Variants in SLIT3 observed in about 807,000 individuals in gnomAD.
SLIT3 encodes the protein slit guidance ligand 3, also known as slit homolog 3 protein.
A neutral mutation model predicts 184.0 loss-of-function variants in SLIT3; 68 were observed. The ratio of observed to expected loss-of-function variants is 0.37; its 90% CI spans 0.30 to 0.45. SLIT3 has a LOEUF of 0.45. Among genes scored for constraint, SLIT3 ranks in the 20% least tolerant of loss-of-function variants. The probability of loss-of-function intolerance (pLI) is 1.00; values close to 1 mark genes in which losing one functional copy is unlikely to be tolerated. For missense variants in SLIT3, 1,707 were observed against 2,026.0 expected (o/e 0.84, Z 3.02); for synonymous variants, 831 against 828.6 (o/e 1.00, Z -0.05).
At chr5:168,707,915 G>C (rs990893085) in intron 26 of SLIT3, 61 bp downstream of exon 26, 8 of 1,604,892 alleles carry the variant, frequency 5.0e-6, no homozygotes, top group Non-Finnish European at 6.8e-6. Flanking sequence ...CCCCTCTCTA[G>C]GGCCAGGGCT....
chr5:169,139,827 T>C (rs1429942028), intron 4 of SLIT3, among the ~76,000 whole-genome samples: 1 of 152,142 alleles, frequency 6.6e-6, no homozygotes, highest in Non-Finnish European at 1.5e-5. Flanking sequence ...CAAAACAGAA[T>C]GCCGCTGAAG....
chr5:168,949,889 G>A (rs561568451), intron 4 of SLIT3, among the ~76,000 whole-genome samples: 11 of 152,318 alleles, frequency 7.2e-5, no homozygotes, highest in Admixed American at 3.9e-4. Context: ...ACCATGCCTG[G>A]CCAAGATGAA....
intron 12 of SLIT3, among the ~76,000 whole-genome samples, chr5:168,780,165 G>A (rs1354226482): frequency 3.3e-5 from 5 of 152,250 alleles, no homozygotes; most frequent in Admixed American, 3.3e-4. Context: ...CTTGACCAAG[G>A]GTCTGTGGAG....
At chr5:168,667,214 T>A (rs1180441642) in intron 35 of SLIT3, among the ~76,000 whole-genome samples, 1 of 152,176 alleles carries the variant, frequency 6.6e-6, no homozygotes, top group Non-Finnish European at 1.5e-5. Flanking sequence ...ATCTCCAGTT[T>A]GCCCCAGTCA....
At chr5:169,082,712 T>G (rs1759120524) in intron 4 of SLIT3, among the ~76,000 whole-genome samples, 1 of 152,216 alleles carries the variant, frequency 6.6e-6, no homozygotes, top group South Asian at 2.1e-4. Flanking sequence ...CTGGCAACCA[T>G]GAAGAGTAGA....
chr5:169,101,523 C>T (rs1011435834), intron 4 of SLIT3, among the ~76,000 whole-genome samples: 1 of 152,206 alleles, frequency 6.6e-6, no homozygotes, highest in African/African-American at 2.4e-5. Flanking sequence ...AATGCTCAGC[C>T]ATCTGCCTCC....
At chr5:169,246,120 C>T (rs1561764082) in intron 2 of SLIT3, among the ~76,000 whole-genome samples, 1 of 152,152 alleles carries the variant, frequency 6.6e-6, no homozygotes, top group East Asian at 1.9e-4. Flanking sequence ...CAAGATATTT[C>T]ACATGTACTC....
chr5:169,198,980 G>A (rs1165208642), intron 3 of SLIT3, among the ~76,000 whole-genome samples: 4 of 101,190 alleles, frequency 4.0e-5, no homozygotes, highest in South Asian at 3.1e-4. Flanking sequence ...ACACACATAT[G>A]TGTGTATATT....
chr5:169,184,781 A>G (rs1763278728), intron 4 of SLIT3, among the ~76,000 whole-genome samples: 1 of 152,214 alleles, frequency 6.6e-6, no homozygotes, highest in African/African-American at 2.4e-5. Flanking sequence ...GGCCAGCACA[A>G]TCACTTCGGA....
At chr5:168,822,775 T>G (rs1757575255) in intron 7 of SLIT3, among the ~76,000 whole-genome samples, 1 of 152,066 alleles carries the variant, frequency 6.6e-6, no homozygotes, top group Non-Finnish European at 1.5e-5. Context: ...GGAAATGTGC[T>G]GGGTGGGGGC....
At position 168,797,807 on chromosome 5, in the gene SLIT3, G is replaced by A. The variant is rs76402199; in HGVS notation, c.936-2229C>T. 1.7e-3 allele frequency among the ~76,000 whole-genome samples: 263 copies of A among 152,274 alleles called. 1 individual carries two copies. Among genetic ancestry groups the A allele is most frequent in the African/African-American group, 6.0e-3 (251 of 41,538 alleles). ...GCAGATGAGGAAAAGAAAACCTAGA[G>A]GAATCAAATAGCTTGTCCAAAGTGA... On this transcript the variant is annotated intron_variant, in intron 9 of 35. Coordinates refer to ENST00000519560, the MANE Select transcript of SLIT3 (RefSeq NM_003062.4).
rs1554101709 is a variant in SLIT3, at chr5:169,141,419, G to GTTTT, written c.413+52056_413+52059dup. ...ACTGTAAGATTTTTTTTTGTTGTTT[G>GTTTT]TTTTGTTTTTTTTTTTGTTTTTTGA... On this transcript the variant is annotated intron_variant, in intron 4 of 35. Coordinates refer to ENST00000519560, the MANE Select transcript of SLIT3 (RefSeq NM_003062.4). 8.2e-4 allele frequency among the ~76,000 whole-genome samples: 118 copies of GTTTT among 143,208 alleles called. 1 individual carries two copies. The highest frequency in any genetic ancestry group is 2.9e-3 in the African/African-American group (114 of 38,828). The allele number at this position is 143,208 out of a possible 152,430, so 94.0% of individuals were successfully genotyped here. A position where few individuals can be genotyped will look rare whatever the true frequency, so the allele number is the denominator to read the frequency against.
intron 4 of SLIT3, among the ~76,000 whole-genome samples, chr5:169,159,151 G>T (rs565641740): frequency 6.6e-6 from 1 of 152,104 alleles, no homozygotes; most frequent in Non-Finnish European, 1.5e-5. Context: ...TTGGGAGGCC[G>T]AGGTGGGCAG....
chr5:169,215,356 G>A (rs554600324), intron 3 of SLIT3, among the ~76,000 whole-genome samples: 2 of 152,274 alleles, frequency 1.3e-5, no homozygotes, highest in Non-Finnish European at 2.9e-5. Flanking sequence ...TAGGAAGTCT[G>A]TCTGATCCTC....
chr5:168,797,433 T>A (rs533305443), intron 9 of SLIT3, among the ~76,000 whole-genome samples: 1 of 152,312 alleles, frequency 6.6e-6, no homozygotes, highest in Admixed American at 6.5e-5. Flanking sequence ...CCCTCAGTTT[T>A]TGCAAGAGGA....
At chr5:169,075,127 C>T (rs1758689788) in intron 4 of SLIT3, among the ~76,000 whole-genome samples, 1 of 151,660 alleles carries the variant, frequency 6.6e-6, no homozygotes, top group African/African-American at 2.4e-5. Flanking sequence ...ATGGCTGGGT[C>T]ATGATTCGTA....
chr5:168,844,609 G>C lies in SLIT3; in HGVS notation c.532C>G (p.Arg178Gly). ...HISCIEDGAF[R>G]ALRDLEILTL... ...AGGATCTCCAAATCGCGCAGCGCTC[G>C]GAAGGCTCCATCTTCAATGCAGCTG... The change falls in exon 6 of 36, where the codon CGA (arginine) becomes GGA (glycine). Residue 178 changes from arginine to glycine, a missense_variant. Coordinates refer to ENST00000519560, the MANE Select transcript of SLIT3 (RefSeq NM_003062.4). 1 of 1,614,174 alleles carries C rather than the reference G, an allele frequency of 6.2e-7. No individual in the cohort carries two copies. Among genetic ancestry groups the C allele is most frequent in the Non-Finnish European group, 8.5e-7 (1 of 1,180,032 alleles).
chr5:168,956,260 G>A (rs186690382), intron 4 of SLIT3, among the ~76,000 whole-genome samples: 24 of 152,162 alleles, frequency 1.6e-4, no homozygotes, highest in African/African-American at 5.1e-4. Flanking sequence ...AAACCAGCCC[G>A]TTATTCTAAA....
intron 29 of SLIT3, among the ~76,000 whole-genome samples, chr5:168,688,197 C>T (rs1251664939): frequency 6.6e-6 from 1 of 152,244 alleles, no homozygotes; most frequent in African/African-American, 2.4e-5. Flanking sequence ...CTTCTGCCTT[C>T]TGCAAAGCCT....
Sources: gnomAD v4.1 joint callset for allele counts (sites outside exome capture counted in the v4.1 genomes callset) on GRCh38, gnomAD v4.1.1 for gene constraint, MANE v1.5 for transcripts, NCBI Gene and HGNC (gene_info 2026-07-23, HGNC 2026-07-21) for gene names.